Variants in CACNA1B observed in about 807,000 individuals in gnomAD.
CACNA1B encodes voltage-dependent N-type calcium channel subunit alpha-1B.
A neutral mutation model predicts 247.2 loss-of-function variants in CACNA1B; 70 were observed. The observed-to-expected ratio is 0.28, with a 90% CI of 0.23 to 0.35. The LOEUF is 0.35. CACNA1B is among the 10% of genes least tolerant of loss of function. CACNA1B has a pLI of 1.00. For missense variants in CACNA1B, 2,367 were observed against 3,197.4 expected (o/e 0.74, Z 6.26); for synonymous variants, 1,231 against 1,294.4 (o/e 0.95, Z 1.05).
chr9:138,109,908 A>G (rs1307199123), intron 39 of CACNA1B, among the ~76,000 whole-genome samples: 2 of 151,938 alleles, frequency 1.3e-5, no homozygotes, highest in African/African-American at 4.8e-5. Context: ...CGTCCCTACT[A>G]AAAAAAGCTG....
Position 138,036,218 on chromosome 9 carries a change from C to G in CACNA1B, c.3287-7556C>G, listed in dbSNP as rs1959042609. Reference sequence around the variant, plus strand: ...GCAGTGGCGCAATCTTGGCTCACTGCAACCTCCGCCTCCTGAGTTCATGCC... The same window carrying G: ...GCAGTGGCGCAATCTTGGCTCACTGGAACCTCCGCCTCCTGAGTTCATGCC... On this transcript the variant is annotated intron_variant, in intron 20 of 46. Coordinates refer to ENST00000371372, the MANE Select transcript of CACNA1B (RefSeq NM_000718.4). Among the ~76,000 whole-genome samples the G allele has an allele frequency of 3.9e-5, 6 of 152,232 alleles. No individual in the cohort carries two copies. In the South Asian group the frequency reaches 1.2e-3, roughly 32 times the overall value.
intron 42 of CACNA1B, among the ~76,000 whole-genome samples, chr9:138,116,820 C>T (rs1452655618): frequency 6.6e-6 from 1 of 152,226 alleles, no homozygotes; most frequent in Non-Finnish European, 1.5e-5. Context: ...CCTCTCAGCA[C>T]CAGCCTGCCA....
intron 18 of CACNA1B, among the ~76,000 whole-genome samples, chr9:138,015,593 G>A (rs1205623555): frequency 6.6e-6 from 1 of 152,242 alleles, no homozygotes; most frequent in African/African-American, 2.4e-5. Context: ...GCTGTGCTGC[G>A]TGGCCTGCGG....
At chr9:138,002,274 C>G (rs757469947) in intron 15 of CACNA1B, among the ~76,000 whole-genome samples, 1 of 152,000 alleles carries the variant, frequency 6.6e-6, no homozygotes, top group African/African-American at 2.4e-5. Context: ...GAAGGATGGA[C>G]TATTCAAAAA....
intron 15 of CACNA1B, among the ~76,000 whole-genome samples, chr9:137,993,174 G>C (rs1958452918): frequency 6.6e-6 from 1 of 151,584 alleles, no homozygotes; most frequent in African/African-American, 2.4e-5. Context: ...AAGAAGAGAA[G>C]TAATGAAAAT....
At chr9:137,939,850 A>AT (rs199664165) in intron 6 of CACNA1B, among the ~76,000 whole-genome samples, 1,356 of 67,492 alleles carry the variant, frequency 0.02, 10 homozygotes, top group African/African-American at 0.051. Flanking sequence ...AAATAAATAA[A>AT]AAAAAATAAA....
chr9:137,911,790 G>T (rs756762013), intron 3 of CACNA1B, among the ~76,000 whole-genome samples: 15 of 152,224 alleles, frequency 9.9e-5, no homozygotes, highest in Non-Finnish European at 1.6e-4. Flanking sequence ...TTTGGAGCGG[G>T]TGATCACAAA....
At chr9:137,967,571 T>C (rs1175995727) in intron 10 of CACNA1B, among the ~76,000 whole-genome samples, 1 of 152,190 alleles carries the variant, frequency 6.6e-6, no homozygotes, top group Non-Finnish European at 1.5e-5. Context: ...ACTCGGCTGC[T>C]CTCCCCTGAA....
Position 138,023,214 on chromosome 9 carries a change from A to G in CACNA1B, c.2471A>G (p.Asp824Gly). 1 of 1,512,706 alleles carries G rather than the reference A, an allele frequency of 6.6e-7. No homozygotes were observed. 93.7% of individuals were successfully genotyped at this position (1,512,706 alleles called of 1,614,324 possible). Residue 824 changes from aspartate (D) to glycine (G), a missense_variant, in exon 19 of 47, where the codon GAC (aspartate) becomes GGC (glycine). Around this residue, in one of 12 missense-constraint regions of CACNA1B, gnomAD observed 631 missense variants for 631.1 expected, o/e 1.00. Coordinates refer to ENST00000371372, the MANE Select transcript of CACNA1B (RefSeq NM_000718.4). ...DRPLVVELGRDGARGPVGGKA... is the reference protein window; with the variant it reads ...DRPLVVELGRGGARGPVGGKA... Reference sequence around the variant, plus strand: ...CCGCTGGTGGTGGAGCTGGGCCGCGACGGCGCGCGGGGGCCCGTGGGAGGC... The same window carrying G: ...CCGCTGGTGGTGGAGCTGGGCCGCGGCGGCGCGCGGGGGCCCGTGGGAGGC...
intron 3 of CACNA1B, chr9:137,889,965 C>G (rs1212336084): frequency 6.7e-6 from 1 of 148,822 alleles, no homozygotes; most frequent in Non-Finnish European, 1.5e-5. Flanking sequence ...CCCAGGGTCC[C>G]CTGATTCTGT....
chr9:138,049,854 T>TG (rs1959217904), intron 24 of CACNA1B, among the ~76,000 whole-genome samples: 1 of 152,214 alleles, frequency 6.6e-6, no homozygotes, highest in Non-Finnish European at 1.5e-5. Flanking sequence ...GAAATGGAGT[T>TG]GGCTTCCTCA....
intron 19 of CACNA1B, 72 bp downstream of exon 19, chr9:138,023,883 C>A: frequency 2.6e-6 from 2 of 768,894 alleles, no homozygotes; most frequent in Non-Finnish European, 4.5e-6. Flanking sequence ...GCGGTGGCTG[C>A]GGCCATGGGG....
At chr9:138,091,382 G>C (rs1164914231) in intron 36 of CACNA1B, among the ~76,000 whole-genome samples, 1 of 152,210 alleles carries the variant, frequency 6.6e-6, no homozygotes, top group African/African-American at 2.4e-5. Flanking sequence ...ACTAGAGGCA[G>C]GGAAGGTTAG....
chr9:138,115,499 G>T, intron 41 of CACNA1B, 53 bp from the exon 42 acceptor site: 1 of 1,581,498 alleles, frequency 6.3e-7, no homozygotes, highest in Non-Finnish European at 8.6e-7. Flanking sequence ...GGTCACAGAG[G>T]CCACATTGCA....
At position 137,954,856 on chromosome 9, in the gene CACNA1B, T is replaced by TTGTGTGTGTGTGTGTGTG. The variant is rs150496046; in HGVS notation, c.1071-835_1071-818dup. ...ACACCCACTCCACCAACTCAGAAGC[T>TTGTGTGTGTGTGTGTGTG]TGTGTGTGTGTGTGTGTGTGTGTGA... On this transcript the variant is annotated intron_variant, in intron 7 of 46. Transcript: ENST00000371372. The surrounding 1 kb of genome is among the most constrained non-coding windows in gnomAD (Gnocchi z 4.1). Among the ~76,000 whole-genome samples the TTGTGTGTGTGTGTGTGTG allele has an allele frequency of 0.02, 2,422 of 120,478 alleles. 59 individuals are homozygous for TTGTGTGTGTGTGTGTGTG. Among genetic ancestry groups the TTGTGTGTGTGTGTGTGTG allele is most frequent in the African/African-American group, 0.056 (1,398 of 25,130 alleles). 79.0% of individuals were successfully genotyped at this position (120,478 alleles called of 152,430 possible). A position where few individuals can be genotyped will look rare whatever the true frequency, so the allele number is the denominator to read the frequency against.
At position 138,112,428 on chromosome 9, in the gene CACNA1B, A is replaced by T; in HGVS notation, c.5459A>T (p.Glu1820Val). ...ACAAAGCAGCATCAGTGTGACGCGG[A>T]GTTGAGGAAGGAGATTTCCGTTGTG... The part of the protein sequence containing the change: ...AGTKQHQCDA[E>V]LRKEISVVWA... Residue 1820 changes from glutamate (E) to valine (V), a missense_variant, in exon 40 of 47, where the codon GAG (glutamate) becomes GTG (valine). Transcript: ENST00000371372. 6.2e-7 allele frequency: 1 copy of T among 1,613,494 alleles called. No individual in the cohort carries two copies. The highest frequency in any genetic ancestry group is 1.3e-5 in the African/African-American group (1 of 75,026).
rs1484092131 is a variant in CACNA1B, at chr9:137,881,256, G to A, written c.391-1488G>A. Among the ~76,000 whole-genome samples the A allele has an allele frequency of 6.6e-6, 1 of 152,222 alleles. No homozygotes were observed. The highest frequency in any genetic ancestry group is 1.5e-5 in the Non-Finnish European group (1 of 68,028). ...GCTCGAGGCCAGGAAGAGCATGGGC[G>A]AGTCAGCACGGGTCATGATGGACCC... On this transcript the variant is annotated intron_variant, in intron 2 of 46. Coordinates refer to ENST00000371372, the MANE Select transcript of CACNA1B (RefSeq NM_000718.4). The surrounding 1 kb of genome is among the most constrained non-coding windows in gnomAD (Gnocchi z 4.3).
At chr9:138,083,059 C>T (rs1399106197) in intron 36 of CACNA1B, among the ~76,000 whole-genome samples, 2 of 151,018 alleles carry the variant, frequency 1.3e-5, no homozygotes, top group African/African-American at 4.9e-5. Context: ...CCACTCGGGT[C>T]CCCTGCAGTC....
Position 138,059,797 on chromosome 9 carries a change from T to A in CACNA1B, c.4668+60T>A. ...CAGGTGGTTTCCTTCTAGAGCCTGC[T>A]CCCCTCAGTGCATCTCCAGGCCCTG... On this transcript the variant is annotated intron_variant, in intron 31 of 46. Coordinates refer to ENST00000371372, the MANE Select transcript of CACNA1B (RefSeq NM_000718.4). The surrounding 1 kb of genome is among the most constrained non-coding windows in gnomAD (Gnocchi z 4.2). 3 of 941,094 alleles carry A rather than the reference T, an allele frequency of 3.2e-6. No individual in the cohort carries two copies. In the South Asian group the frequency reaches 3.9e-5, roughly 12 times the overall value. The allele number at this position is 941,094 out of a possible 1,614,324, so 58.3% of individuals were successfully genotyped here. A position where few individuals can be genotyped will look rare whatever the true frequency, so the allele number is the denominator to read the frequency against.
Sources: gnomAD v4.1 joint callset for allele counts (sites outside exome capture counted in the v4.1 genomes callset) on GRCh38, gnomAD v4.1.1 for gene constraint, gnomAD v4.1.1 regional missense constraint, Gnocchi (gnomAD v3.1) non-coding constraint, MANE v1.5 for transcripts, NCBI Gene and HGNC (gene_info 2026-07-23, HGNC 2026-07-21) for gene names.